CDK14: variants seen among roughly 807,000 people sequenced by gnomAD.
CDK14 encodes cyclin-dependent kinase 14.
In CDK14, 34 loss-of-function variants were observed where a neutral mutation model predicts 60.7. That is an observed-to-expected ratio of 0.56 (90% confidence interval 0.43 to 0.75). The LOEUF (loss-of-function observed/expected upper bound fraction) is 0.75. Among genes scored for constraint, CDK14 ranks in the 30% least tolerant of loss-of-function variants. CDK14 has a pLI of 0.00. For missense variants in CDK14, 482 were observed against 564.1 expected, an observed-to-expected ratio of 0.85 and a Z score of 1.47; for synonymous variants, 197 against 203.7, an observed-to-expected ratio of 0.97 and a Z score of 0.28.
At chr7:90,697,237 C>T (rs1801678623) in intron 2 of CDK14, among the ~76,000 whole-genome samples, 1 of 152,096 alleles carries the variant, frequency 6.6e-6, no homozygotes, top group Admixed American at 6.5e-5. Context: ...TTCCCCTTTT[C>T]TTCTTTGTTA....
At chr7:90,794,796 A>T (rs911148905) in intron 5 of CDK14, among the ~76,000 whole-genome samples, 1 of 152,230 alleles carries the variant, frequency 6.6e-6, no homozygotes, top group Non-Finnish European at 1.5e-5. Flanking sequence ...AAAGACAGGC[A>T]TAGGAAATCA....
intron 4 of CDK14, among the ~76,000 whole-genome samples, chr7:90,756,032 A>G (rs990045001): frequency 6.6e-6 from 1 of 152,160 alleles, no homozygotes; most frequent in African/African-American, 2.4e-5. Flanking sequence ...CATCTTGCCT[A>G]TGTTCACACA....
At chr7:90,963,686 T>C (rs556560370) in intron 9 of CDK14, among the ~76,000 whole-genome samples, 4 of 150,802 alleles carry the variant, frequency 2.7e-5, no homozygotes, top group Admixed American at 2.0e-4. Context: ...AAAGGTTTTT[T>C]TTTTTTCTTT....
chr7:90,678,315 G>A (rs1801241710), intron 2 of CDK14, among the ~76,000 whole-genome samples: 2 of 152,176 alleles, frequency 1.3e-5, no homozygotes, highest in African/African-American at 4.8e-5. Flanking sequence ...TGCTTGGGGT[G>A]AAGGCAAAGT....
In CDK14 at chr7:90,714,386, C is replaced by G. The variant is rs569772123; in HGVS notation, c.124-12181C>G. On this transcript the variant is annotated intron_variant, in intron 2 of 14. Coordinates refer to ENST00000380050, the MANE Select transcript of CDK14 (RefSeq NM_001287135.2). ...GATGTGTGTATCCCACTGCTGTGCTCTATTCACCTTGCATCTCTCAGGCAG... is the reference window on the plus strand; with the variant it reads ...GATGTGTGTATCCCACTGCTGTGCTGTATTCACCTTGCATCTCTCAGGCAG... Among the ~76,000 whole-genome samples the G allele has an allele frequency of 2.0e-5, 3 of 152,116 alleles. No homozygotes were observed. The South Asian group carries it at 6.2e-4, about 32-fold the overall frequency.
chr7:91,123,632 G>C (rs1043034794), intron 14 of CDK14, among the ~76,000 whole-genome samples: 2 of 151,808 alleles, frequency 1.3e-5, no homozygotes, highest in Non-Finnish European at 2.9e-5. Flanking sequence ...CCTTACCTTA[G>C]CTTCCTGTCT....
intron 6 of CDK14, among the ~76,000 whole-genome samples, chr7:90,880,803 C>T (rs1247022865): frequency 6.6e-6 from 1 of 152,026 alleles, no homozygotes; most frequent in Non-Finnish European, 1.5e-5. Flanking sequence ...ATGAATAGGG[C>T]CTGAAGTGAA....
chr7:91,007,217 C>T (rs1215119088), intron 10 of CDK14, among the ~76,000 whole-genome samples: 1 of 152,224 alleles, frequency 6.6e-6, no homozygotes, highest in Non-Finnish European at 1.5e-5. Context: ...AGAAGCTGCC[C>T]TCTGCCTGGA....
At chr7:90,649,256 C>CTTTCTTTGTTTCTTTG (rs1563029644) in intron 2 of CDK14, among the ~76,000 whole-genome samples, 38 of 47,318 alleles carry the variant, frequency 8.0e-4, no homozygotes, top group African/African-American at 2.4e-3. Context: ...TTCTTTCTTT[C>CTTTCTTTGTTTCTTTG]TTTCTTTCTT....
chr7:90,757,053 C>T (rs1408266078), intron 4 of CDK14, among the ~76,000 whole-genome samples: 1 of 152,130 alleles, frequency 6.6e-6, no homozygotes, highest in Non-Finnish European at 1.5e-5. Context: ...AGTCTGAAAT[C>T]AAGGTGTCTG....
At chr7:90,771,247 A>G (rs774122183) in intron 4 of CDK14, among the ~76,000 whole-genome samples, 1 of 152,200 alleles carries the variant, frequency 6.6e-6, no homozygotes, top group Non-Finnish European at 1.5e-5. Context: ...TTTTTTCTTT[A>G]ACACTTCTTG....
At chr7:91,066,690 T>C (rs574884394) in intron 11 of CDK14, among the ~76,000 whole-genome samples, 33 of 152,320 alleles carry the variant, frequency 2.2e-4, no homozygotes, top group Admixed American at 3.9e-4. Flanking sequence ...GCCAAGGGAC[T>C]TTACAATATG....
intron 14 of CDK14, among the ~76,000 whole-genome samples, chr7:91,182,526 A>G (rs1469521925): frequency 1.3e-5 from 2 of 151,882 alleles, no homozygotes; most frequent in East Asian, 1.9e-4. Flanking sequence ...TTTTTATTTT[A>G]TAGCTTAATG....
intron 14 of CDK14, among the ~76,000 whole-genome samples, chr7:91,188,137 A>C (rs1016476528): frequency 6.6e-6 from 1 of 152,038 alleles, no homozygotes; most frequent in Non-Finnish European, 1.5e-5. Context: ...TACCATCGCT[A>C]TCTGCCGAAG....
At chr7:90,729,285 T>C (rs1584829022) in intron 3 of CDK14, among the ~76,000 whole-genome samples, 1 of 150,538 alleles carries the variant, frequency 6.6e-6, no homozygotes, top group African/African-American at 2.5e-5. Flanking sequence ...TTTGGGATTC[T>C]GAAGTATGAA....
At chr7:91,141,148 G>C (rs1324328492) in intron 14 of CDK14, among the ~76,000 whole-genome samples, 1 of 152,172 alleles carries the variant, frequency 6.6e-6, no homozygotes, top group Non-Finnish European at 1.5e-5. Context: ...ATTTCCACTT[G>C]AGTGAAGCAA....
At chr7:90,954,478 G>A (rs80278375) in intron 8 of CDK14, among the ~76,000 whole-genome samples, 5,406 of 151,950 alleles carry the variant, frequency 0.036, 142 homozygotes, top group Middle Eastern at 0.085. Flanking sequence ...TATAGATTTT[G>A]TGATTTTTAA....
chr7:90,736,342 A>ATTT (rs1803106558), intron 3 of CDK14, among the ~76,000 whole-genome samples: 1 of 87,094 alleles, frequency 1.1e-5, no homozygotes, highest in Non-Finnish European at 2.1e-5. Context: ...GTACTTTATT[A>ATTT]TGTTTTTGTT....
intron 2 of CDK14, among the ~76,000 whole-genome samples, chr7:90,645,971 A>G (rs1395741170): frequency 1.3e-5 from 2 of 152,182 alleles, no homozygotes; most frequent in Non-Finnish European, 2.9e-5. Flanking sequence ...GTCAGTGGAG[A>G]AGAAAATCAC....
Sources: allele counts gnomAD v4.1 joint callset (sites outside exome capture counted in the v4.1 genomes callset), GRCh38; gene constraint gnomAD v4.1.1; transcripts MANE v1.5; gene names NCBI Gene and HGNC (gene_info 2026-07-23, HGNC 2026-07-21).